The following EXOC4 variants were observed in gnomAD, a reference collection of about 807,000 sequenced individuals.
The protein encoded by EXOC4 is exocyst complex component 4.
Under a neutral mutation model 107.2 loss-of-function variants are expected in EXOC4, and 71 were observed. That is an observed-to-expected ratio of 0.66 (90% CI 0.55 to 0.81). EXOC4 has a LOEUF of 0.81. EXOC4 is among the 30% of genes least tolerant of loss of function. The pLI, the probability that EXOC4 is intolerant of heterozygous loss-of-function variation, is 0.00. For synonymous variants in EXOC4, 456 were observed against 441.2 expected, an observed-to-expected ratio of 1.03 and a Z score of -0.42; for missense variants, 1,108 against 1,189.6, an observed-to-expected ratio of 0.93 and a Z score of 1.01.
intron 12 of EXOC4, among the ~76,000 whole-genome samples, chr7:133,897,325 CTTATAT>C (rs1799342733): frequency 6.6e-6 from 1 of 152,060 alleles, no homozygotes; most frequent in Non-Finnish European, 1.5e-5. Context: ...TTTATCAAAA[CTTATAT>C]TTAGGTTAAA....
intron 3 of EXOC4, among the ~76,000 whole-genome samples, chr7:133,301,521 C>T (rs1239860000): frequency 6.6e-6 from 1 of 152,166 alleles, no homozygotes; most frequent in Non-Finnish European, 1.5e-5. Flanking sequence ...AGTGATAAAA[C>T]ATTTTAGAAC....
chr7:133,855,932 A>G (rs1585201421), intron 11 of EXOC4, among the ~76,000 whole-genome samples: 1 of 152,218 alleles, frequency 6.6e-6, no homozygotes, highest in African/African-American at 2.4e-5. Context: ...TGTCACCCAT[A>G]TAAATAGGTC....
At chr7:133,630,881 A>T (rs1347101388) in intron 10 of EXOC4, among the ~76,000 whole-genome samples, 4 of 152,184 alleles carry the variant, frequency 2.6e-5, no homozygotes, top group Non-Finnish European at 5.9e-5. Flanking sequence ...TAAAGAAAAA[A>T]TATAAATCCT....
intron 7 of EXOC4, among the ~76,000 whole-genome samples, chr7:133,390,078 C>T (rs997754508): frequency 3.9e-5 from 6 of 152,018 alleles, no homozygotes; most frequent in Admixed American, 6.6e-5. Context: ...GGGGACACAG[C>T]GAAGCCATAT....
intron 1 of EXOC4, among the ~76,000 whole-genome samples, chr7:133,260,366 C>G (rs546824955): frequency 1.3e-5 from 2 of 151,884 alleles, no homozygotes; most frequent in African/African-American, 2.4e-5. Context: ...CTCTGACTCC[C>G]GGGTTCAAAC....
In EXOC4 at chr7:134,022,917, G is replaced by A. The variant is rs535566387; in HGVS notation, c.2687+15082G>A. On this transcript the variant is annotated intron_variant, in intron 17 of 17. Transcript: ENST00000253861. ...TGTCTAATCTCTCTTGTTCATTCCT[G>A]ATCAGTGAAGTATCCTTAGTCTGCA... is the stretch of plus-strand genomic sequence containing the variant. Among the ~76,000 whole-genome samples, 5 of 152,274 alleles carry A rather than the reference G, an allele frequency of 3.3e-5. No homozygotes were observed. In the South Asian group the frequency reaches 1.0e-3, roughly 32 times the overall value.
chr7:134,008,198 C>T (rs1402112867), intron 17 of EXOC4, among the ~76,000 whole-genome samples: 1 of 152,090 alleles, frequency 6.6e-6, no homozygotes, highest in African/African-American at 2.4e-5. Context: ...TATATTTTCT[C>T]CTGGCTTTTT....
chr7:133,929,888 A>G (rs773920482), intron 13 of EXOC4, among the ~76,000 whole-genome samples: 1 of 151,996 alleles, frequency 6.6e-6, no homozygotes, highest in Non-Finnish European at 1.5e-5. Flanking sequence ...GAGAAGAGAA[A>G]CCTTACCTGA....
chr7:133,480,389 C>T (rs879444962), intron 9 of EXOC4: 19 of 1,283,028 alleles, frequency 1.5e-5, no homozygotes, highest in Non-Finnish European at 1.7e-5. Context: ...AGGCCAGGCT[C>T]GTCTTGCTTA....
intron 10 of EXOC4, among the ~76,000 whole-genome samples, chr7:133,713,934 T>C (rs1794947470): frequency 6.6e-6 from 1 of 151,998 alleles, no homozygotes; most frequent in Admixed American, 6.6e-5. Flanking sequence ...AGTATGAAAA[T>C]AGACTAGTAC....
intron 10 of EXOC4, among the ~76,000 whole-genome samples, chr7:133,657,969 G>A (rs755285771): frequency 2.6e-5 from 4 of 152,138 alleles, no homozygotes; most frequent in Non-Finnish European, 5.9e-5. Context: ...AGGTTAGTGC[G>A]GGATATAGGC....
At chr7:133,278,706 G>A (rs1260878472) in intron 2 of EXOC4, among the ~76,000 whole-genome samples, 1 of 152,096 alleles carries the variant, frequency 6.6e-6, no homozygotes, top group Non-Finnish European at 1.5e-5. Flanking sequence ...GTGTAGGGAA[G>A]TCACGTAGGG....
At chr7:133,363,952 A>G (rs1259858461) in intron 6 of EXOC4, among the ~76,000 whole-genome samples, 1 of 152,146 alleles carries the variant, frequency 6.6e-6, no homozygotes, top group Non-Finnish European at 1.5e-5. Flanking sequence ...GTGGTGTCAT[A>G]TATGATTAAA....
At chr7:133,341,496 T>C (rs2150626738) in intron 5 of EXOC4, among the ~76,000 whole-genome samples, 1 of 152,332 alleles carries the variant, frequency 6.6e-6, no homozygotes, top group African/African-American at 2.4e-5. Context: ...GTGAATAGAA[T>C]GTATATTCTG....
Position 133,624,908 on chromosome 7 carries a change from T to TG in EXOC4, c.1418-5137_1418-5136insG, listed in dbSNP as rs1554480721. Among the ~76,000 whole-genome samples the TG allele has an allele frequency of 2.0e-3, 298 of 146,468 alleles. 2 individuals carry two copies. The highest frequency in any genetic ancestry group is 7.1e-3 in the African/African-American group (284 of 40,096). Reference sequence around the variant, plus strand: ...GCGCCCAGCCTGACCTCATCTCTTATAAAAAAAAAAAGAGTAGGGGGAATG... The same window carrying TG: ...GCGCCCAGCCTGACCTCATCTCTTATGAAAAAAAAAAAGAGTAGGGGGAATG... On this transcript the variant is annotated intron_variant, in intron 9 of 17. Transcript: ENST00000253861.
At chr7:133,800,410 C>T (rs532594708) in intron 10 of EXOC4, among the ~76,000 whole-genome samples, 4 of 152,090 alleles carry the variant, frequency 2.6e-5, no homozygotes, top group African/African-American at 7.2e-5. Context: ...TAAAGGGAGT[C>T]GTTCTATTTC....
chr7:133,731,778 A>T, intron 10 of EXOC4, among the ~76,000 whole-genome samples: 1 of 152,184 alleles, frequency 6.6e-6, no homozygotes, highest in South Asian at 2.1e-4. Flanking sequence ...AAATTTAATT[A>T]TATCAAAGTA....
intron 14 of EXOC4, among the ~76,000 whole-genome samples, chr7:133,987,469 A>C (rs1794146357): frequency 6.6e-6 from 1 of 151,826 alleles, no homozygotes; most frequent in Non-Finnish European, 1.5e-5. Flanking sequence ...TGAAGGAAGG[A>C]GAGAAAGGAG....
chr7:133,635,987 T>C (rs1802697691), intron 10 of EXOC4, among the ~76,000 whole-genome samples: 1 of 152,196 alleles, frequency 6.6e-6, no homozygotes, highest in Non-Finnish European at 1.5e-5. Context: ...CTTTTAGCAT[T>C]GGAGCCCTAT....
Sources: allele counts gnomAD v4.1 joint callset (sites outside exome capture counted in the v4.1 genomes callset), GRCh38; gene constraint gnomAD v4.1.1; transcripts MANE v1.5; gene names NCBI Gene and HGNC (gene_info 2026-07-23, HGNC 2026-07-21).